PPP2R5C: variants seen among roughly 807,000 people sequenced by gnomAD.
The protein encoded by PPP2R5C is serine/threonine-protein phosphatase 2A 56 kDa regulatory subunit gamma isoform.
PPP2R5C carries 7 observed loss-of-function variants against 68.9 expected under a neutral mutation model. That is an observed-to-expected ratio of 0.10 (90% CI 0.06 to 0.19). The LOEUF is 0.19. Among genes scored for constraint, PPP2R5C ranks in the 10% least tolerant of loss-of-function variants. PPP2R5C has a pLI of 1.00. For missense variants in PPP2R5C, 348 were observed against 641.3 expected (o/e 0.54, Z 4.94); for synonymous variants, 210 against 222.2 (o/e 0.95, Z 0.49).
chr14:101,786,887 T>C (rs2038113770), intron 3 of PPP2R5C, among the ~76,000 whole-genome samples: 2 of 152,174 alleles, frequency 1.3e-5, no homozygotes, highest in African/African-American at 4.8e-5. Flanking sequence ...AAGACAGATA[T>C]ACTAAATAAA....
chr14:101,837,123 G>GT (rs979246018), intron 1 of PPP2R5C, among the ~76,000 whole-genome samples: 5 of 151,762 alleles, frequency 3.3e-5, no homozygotes, highest in East Asian at 1.9e-4. Flanking sequence ...CATTTTATAA[G>GT]TTTTTTTTTG....
chr14:101,804,895 C>G (rs1391970735), upstream of PPP2R5C, among the ~76,000 whole-genome samples: 5 of 152,166 alleles, frequency 3.3e-5, no homozygotes, highest in Admixed American at 3.3e-4. Context: ...AGGATAAACG[C>G]TTGAGGGGAT....
chr14:101,832,138 A>G (rs2040785855), intron 1 of PPP2R5C, among the ~76,000 whole-genome samples: 1 of 152,226 alleles, frequency 6.6e-6, no homozygotes, highest in Non-Finnish European at 1.5e-5. Context: ...CTTGCTCCTC[A>G]TTCAGGTAAT....
intron 1 of PPP2R5C, among the ~76,000 whole-genome samples, chr14:101,832,739 A>G (rs947637241): frequency 4.6e-5 from 7 of 152,184 alleles, no homozygotes; most frequent in Non-Finnish European, 1.0e-4. Context: ...TCCAGACTCC[A>G]GCAGCGTGAG....
At chr14:101,842,622 A>G (rs767745118) in intron 1 of PPP2R5C, among the ~76,000 whole-genome samples, 4 of 152,126 alleles carry the variant, frequency 2.6e-5, no homozygotes, top group Non-Finnish European at 4.4e-5. Context: ...CCTCCAGGTC[A>G]TGCATCTATG....
At chr14:101,893,141 G>A (rs1457468739) in intron 7 of PPP2R5C, 33 bp downstream of exon 9, 2 of 1,440,270 alleles carry the variant, frequency 1.4e-6, no homozygotes, top group Non-Finnish European at 9.8e-7. Context: ...GAACACAGCT[G>A]TTGGCATTTG....
At chr14:101,867,169 A>G (rs1643923800) in intron 2 of PPP2R5C, among the ~76,000 whole-genome samples, 1 of 151,844 alleles carries the variant, frequency 6.6e-6, no homozygotes, top group Non-Finnish European at 1.5e-5. Flanking sequence ...GTAAGCTGAG[A>G]TCATGCAACT....
chr14:101,842,903 G>A (rs187388836), intron 1 of PPP2R5C, among the ~76,000 whole-genome samples: 1 of 151,736 alleles, frequency 6.6e-6, no homozygotes, highest in East Asian at 1.9e-4. Context: ...AAACCAAGCA[G>A]AGAGTGGAGT....
At chr14:101,919,993 C>CAAAAAAAGAAAAAA (rs367834588) in intron 13 of PPP2R5C, among the ~76,000 whole-genome samples, 2 of 117,478 alleles carry the variant, frequency 1.7e-5, no homozygotes, top group African/African-American at 7.2e-5. Context: ...AAAAAAAAAA[C>CAAAAAAAGAAAAAA]CAATTCTTAC....
In PPP2R5C at chr14:101,901,727, G is replaced by A. The variant is rs142091206; in HGVS notation, c.861G>A (p.Met287Ile). Reference sequence around the variant, plus strand: ...TGTCATTTCTTTTGTAGGTGGTGATGGCACTTCTCAAATACTGGCCAAAGA... The same window carrying A: ...TGTCATTTCTTTTGTAGGTGGTGATAGCACTTCTCAAATACTGGCCAAAGA... Residue 287 changes from methionine to isoleucine, a missense_variant, in exon 9 of 14, where the codon ATG (methionine) becomes ATA (isoleucine). Transcript: ENST00000334743. 8.1e-6 allele frequency: 13 copies of A among 1,613,192 alleles called. No homozygotes were observed. The highest frequency in any genetic ancestry group is 1.3e-5 in the African/African-American group (1 of 74,886).
At position 101,797,329 on chromosome 14, in the gene PPP2R5C, G is replaced by C; in HGVS notation, c.259+11146G>C. The C allele has an allele frequency of 2.2e-6, 1 of 455,954 alleles. No homozygotes were observed. The highest frequency in any genetic ancestry group is 4.4e-6 in the Non-Finnish European group (1 of 226,718). The allele number at this position is 455,954 out of a possible 1,614,324, so 28.2% of individuals were successfully genotyped here. A position where few individuals can be genotyped will look rare whatever the true frequency, so the allele number is the denominator to read the frequency against. On this transcript the variant is annotated intron_variant, in intron 3 of 14. Coordinates refer to the PPP2R5C transcript ENST00000328724. The surrounding 1 kb of genome is among the most constrained non-coding windows in gnomAD (Gnocchi z 4.2). ...CCCCCAATCAGTGGATGGACGCGTG[G>C]GTTGCAGAGCACGCCACACACATTC...
chr14:101,901,935 T>C, intron 9 of PPP2R5C, 46 bp downstream of exon 11: 1 of 1,584,760 alleles, frequency 6.3e-7, no homozygotes, highest in Non-Finnish European at 8.6e-7. Context: ...CAGTGTTCAT[T>C]TGGGAAAGGA....
chr14:101,776,320 C>T (rs1196769684), intron 2 of PPP2R5C, among the ~76,000 whole-genome samples: 4 of 152,074 alleles, frequency 2.6e-5, no homozygotes, highest in African/African-American at 4.8e-5. Flanking sequence ...CAGAAGAGGG[C>T]GAAAGGGGAA....
At chr14:101,859,485 AG>A (rs1566913906) in intron 2 of PPP2R5C, among the ~76,000 whole-genome samples, 3 of 152,288 alleles carry the variant, frequency 2.0e-5, no homozygotes, top group South Asian at 4.1e-4. Context: ...TAAGTTCAGA[AG>A]GCAACATAGC....
At chr14:101,798,993 G>A (rs560352979) in intron 3 of PPP2R5C, among the ~76,000 whole-genome samples, 46 of 152,240 alleles carry the variant, frequency 3.0e-4, no homozygotes, top group Non-Finnish European at 3.8e-4. Flanking sequence ...CCTGGAAGAG[G>A]TGTAAAGGGT....
At chr14:101,831,715 A>G (rs1185516100) in intron 1 of PPP2R5C, 2 of 696,872 alleles carry the variant, frequency 2.9e-6, no homozygotes, top group Admixed American at 2.0e-5. Context: ...CAAATGCACA[A>G]GATTCGAGAC....
intron 1 of PPP2R5C, among the ~76,000 whole-genome samples, chr14:101,851,335 G>A (rs2042143023): frequency 6.6e-6 from 1 of 152,180 alleles, no homozygotes; most frequent in Admixed American, 6.5e-5. Flanking sequence ...GAGGGCTGGG[G>A]CAGGAGGATG....
intron 1 of PPP2R5C, among the ~76,000 whole-genome samples, chr14:101,837,290 T>C (rs2041171672): frequency 6.6e-6 from 1 of 151,304 alleles, no homozygotes; most frequent in African/African-American, 2.5e-5. Flanking sequence ...ATTACAGTCA[T>C]GCACCACCAC....
At chr14:101,816,165 C>T (rs1394052455) in intron 1 of PPP2R5C, among the ~76,000 whole-genome samples, 1 of 152,140 alleles carries the variant, frequency 6.6e-6, no homozygotes, top group Non-Finnish European at 1.5e-5. Flanking sequence ...GTAAGACTAC[C>T]AAAAAGGTGA....
Sources: allele counts gnomAD v4.1 joint callset (sites outside exome capture counted in the v4.1 genomes callset), GRCh38; gene constraint gnomAD v4.1.1; non-coding constraint Gnocchi (gnomAD v3.1); transcripts MANE v1.5; gene names NCBI Gene and HGNC (gene_info 2026-07-23, HGNC 2026-07-21).